Variants in TENM3 observed in about 807,000 individuals in gnomAD.
TENM3 encodes the protein teneurin transmembrane protein 3.
In TENM3, 63 loss-of-function variants were observed where a neutral mutation model predicts 255.1. The observed-to-expected ratio is 0.25, with a 90% CI of 0.20 to 0.30. TENM3 has a LOEUF of 0.30. Among genes scored for constraint, TENM3 ranks in the 10% least tolerant of loss-of-function variants. TENM3 has a pLI of 1.00. For synonymous variants in TENM3, 1,306 were observed against 1,322.3 expected (o/e 0.99, Z 0.27); for missense variants, 2,929 against 3,461.1 (o/e 0.85, Z 3.86).
In TENM3 at chr4:182,161,786, A is replaced by AAT. The variant is rs1202629937; in HGVS notation, c.-76+17037_-76+17038dup. Among the ~76,000 whole-genome samples the AAT allele has an allele frequency of 9.1e-3, 168 of 18,458 alleles. 4 individuals carry two copies. Among genetic ancestry groups the AAT allele is most frequent in the Non-Finnish European group, 0.012 (116 of 9,840 alleles). The allele number at this position is 18,458 out of a possible 152,430, so 12.1% of individuals were successfully genotyped here. The stretch of plus-strand genomic sequence containing the variant: ...ATATATGTGTATATATATATACACA[A>AAT]ATATATGTATATATATACACATATA... On this transcript the variant is annotated intron_variant, in intron 1 of 2. Coordinates refer to the TENM3 transcript ENST00000512480.
intron 3 of TENM3, among the ~76,000 whole-genome samples, chr4:182,483,387 G>A (rs1734386470): frequency 1.3e-5 from 2 of 152,154 alleles, no homozygotes; most frequent in African/African-American, 4.8e-5. Flanking sequence ...GCAAGCCAAT[G>A]ACTTGATGCT....
At chr4:182,175,703 A>G (rs113445195) in intron 1 of TENM3, among the ~76,000 whole-genome samples, 28 of 152,318 alleles carry the variant, frequency 1.8e-4, no homozygotes, top group African/African-American at 6.5e-4. Flanking sequence ...GGCTTAGCCA[A>G]GTTTGTCTTC....
chr4:181,687,237 G>T, the TENM3 span, among the ~76,000 whole-genome samples: 2 of 152,116 alleles, frequency 1.3e-5, no homozygotes, highest in Non-Finnish European at 2.9e-5. Flanking sequence ...TAGGCCAGCT[G>T]TTACTGAAAA....
At chr4:182,100,822 C>CACACAT in the TENM3 span, among the ~76,000 whole-genome samples, 14 of 10,510 alleles carry the variant, frequency 1.3e-3, no homozygotes, top group African/African-American at 5.8e-3. Flanking sequence ...TATATATACA[C>CACACAT]ATATATATAT....
At chr4:181,766,764 A>T in the TENM3 span, among the ~76,000 whole-genome samples, 1 of 152,046 alleles carries the variant, frequency 6.6e-6, no homozygotes, top group Non-Finnish European at 1.5e-5. Context: ...CAAAAAAAAA[A>T]AAAGCAAAAT....
chr4:182,504,150 C>T (rs1444298805), intron 3 of TENM3, among the ~76,000 whole-genome samples: 1 of 151,910 alleles, frequency 6.6e-6, no homozygotes, highest in East Asian at 1.9e-4. Flanking sequence ...ACTGCTCAAA[C>T]ATATCTAAAT....
chr4:181,961,228 A>G, the TENM3 span, among the ~76,000 whole-genome samples: 3 of 152,204 alleles, frequency 2.0e-5, no homozygotes, highest in Non-Finnish European at 4.4e-5. Flanking sequence ...AAAGGAGAAA[A>G]GGTCAAGCAC....
At chr4:181,818,683 C>CA in the TENM3 span, among the ~76,000 whole-genome samples, 1 of 150,682 alleles carries the variant, frequency 6.6e-6, no homozygotes, top group African/African-American at 2.5e-5. Context: ...GATCTCAACT[C>CA]ACTGCAACCT....
intron 1 of TENM3, among the ~76,000 whole-genome samples, chr4:182,179,068 A>AT (rs1356061066): frequency 6.6e-6 from 1 of 152,230 alleles, no homozygotes; most frequent in Admixed American, 6.5e-5. Flanking sequence ...GAATTTTTGT[A>AT]TTAAATAACT....
At chr4:181,785,897 G>A in the TENM3 span, among the ~76,000 whole-genome samples, 1 of 151,974 alleles carries the variant, frequency 6.6e-6, no homozygotes, top group Non-Finnish European at 1.5e-5. Flanking sequence ...TCTTAATGTG[G>A]GAGTGGAGCA....
chr4:182,187,636 A>G (rs77212582), intron 1 of TENM3, among the ~76,000 whole-genome samples: 7,427 of 152,226 alleles, frequency 0.049, 251 homozygotes, highest in Non-Finnish European at 0.071. Context: ...AAAAGGAAAG[A>G]ATTCTTTGGT....
the TENM3 span, among the ~76,000 whole-genome samples, chr4:181,537,184 A>G: frequency 6.6e-6 from 1 of 152,102 alleles, no homozygotes; most frequent in Non-Finnish European, 1.5e-5. Context: ...GGCTTTGATT[A>G]AGAAAGGGAG....
At chr4:182,310,620 G>A (rs190758400) in intron 1 of TENM3, among the ~76,000 whole-genome samples, 41 of 151,918 alleles carry the variant, frequency 2.7e-4, no homozygotes, top group African/African-American at 9.9e-4. Flanking sequence ...TGGACCCCAC[G>A]ACTGGGGTCT....
At chr4:181,692,939 G>A in the TENM3 span, among the ~76,000 whole-genome samples, 6 of 152,250 alleles carry the variant, frequency 3.9e-5, no homozygotes, top group East Asian at 7.7e-4. Flanking sequence ...GAAACTACTC[G>A]AAGAGTTCAG....
intron 3 of TENM3, among the ~76,000 whole-genome samples, chr4:182,542,667 G>A (rs980817423): frequency 1.3e-5 from 2 of 152,098 alleles, no homozygotes; most frequent in Non-Finnish European, 1.5e-5. Context: ...CCAGCGTTCC[G>A]TGTACTCTTT....
At chr4:181,505,207 A>G in the TENM3 span, among the ~76,000 whole-genome samples, 1 of 152,196 alleles carries the variant, frequency 6.6e-6, no homozygotes, top group Non-Finnish European at 1.5e-5. Flanking sequence ...GGGCTAATGG[A>G]CAGCACTCTC....
Position 182,800,383 on chromosome 4 carries a change from C to T in TENM3, c.*32C>T. 6.5e-7 allele frequency: 1 copy of T among 1,531,688 alleles called. No individual in the cohort carries two copies. The highest frequency in any genetic ancestry group is 8.7e-7 in the Non-Finnish European group (1 of 1,146,098). 94.9% of individuals were successfully genotyped at this position (1,531,688 alleles called of 1,614,324 possible). A position where few individuals can be genotyped will look rare whatever the true frequency, so the allele number is the denominator to read the frequency against. On this transcript the variant is annotated 3_prime_UTR_variant, in exon 28 of 28. Transcript: ENST00000511685. ...GGCCGCGCCCGCCGAGCCGCTCACG[C>T]CCTGCCCACATTGTCCTGTGGCACA... is the stretch of plus-strand genomic sequence containing the variant.
chr4:181,562,964 C>A, the TENM3 span, among the ~76,000 whole-genome samples: 3 of 152,156 alleles, frequency 2.0e-5, no homozygotes, highest in Non-Finnish European at 2.9e-5. Flanking sequence ...AGTGAGCCAC[C>A]GTGCCGGGCC....
At chr4:181,715,106 G>A in the TENM3 span, among the ~76,000 whole-genome samples, 2 of 152,152 alleles carry the variant, frequency 1.3e-5, no homozygotes, top group Non-Finnish European at 2.9e-5. Context: ...GCAGGGTCTG[G>A]AACCTTCAGT....
Sources: gnomAD v4.1 joint callset for allele counts (sites outside exome capture counted in the v4.1 genomes callset) on GRCh38, gnomAD v4.1.1 for gene constraint, MANE v1.5 for transcripts, NCBI Gene and HGNC (gene_info 2026-07-23, HGNC 2026-07-21) for gene names.